Variants in DNAH5 observed in about 807,000 individuals in gnomAD.
The protein encoded by DNAH5 is dynein axonemal heavy chain 5, also known as axonemal beta dynein heavy chain 5.
In DNAH5, 372 loss-of-function variants were observed where a neutral mutation model predicts 518.2. That is an observed-to-expected ratio of 0.72 (90% CI 0.66 to 0.78). DNAH5 has a LOEUF of 0.78. DNAH5 is among the 30% of genes least tolerant of loss of function. The pLI is 0.00. For synonymous variants in DNAH5, 2,039 were observed against 2,025.9 expected (o/e 1.01, Z -0.17); for missense variants, 5,523 against 5,687.0 (o/e 0.97, Z 0.93).
rs1272728069 is a variant in DNAH5 at position 13,730,625 on chromosome 5, G to GAGGTTTCACCGTGTTAGCC, written c.11762-1084_11762-1066dup. Among the ~76,000 whole-genome samples the GAGGTTTCACCGTGTTAGCC allele has an allele frequency of 2.6e-5, 4 of 151,690 alleles. No homozygotes were observed. In the East Asian group the frequency reaches 7.7e-4, roughly 29 times the overall value. On this transcript the variant is annotated intron_variant, in intron 68 of 78. Transcript: ENST00000265104. ...AATTTTTCATATTTTTAGTGAAGACGAGGTTTCACCGTGTTAGCCAGGATG... is the reference window on the plus strand; with the variant it reads ...AATTTTTCATATTTTTAGTGAAGACGAGGTTTCACCGTGTTAGCCAGGTTTCACCGTGTTAGCCAGGATG...
In DNAH5 at chr5:13,692,111, G is replaced by T. The variant is rs1740771639; in HGVS notation, c.13748C>A (p.Ser4583Tyr). 4.3e-6 allele frequency: 7 copies of T among 1,613,998 alleles called. No homozygotes were observed. Among genetic ancestry groups the T allele is most frequent in the Non-Finnish European group, 5.9e-6 (7 of 1,179,972 alleles). The stretch of plus-strand genomic sequence containing the variant: ...AACTGGCTTCTTATAGATGGGACAG[G>T]AGTAAAACCGAGGATCTCGTAAAGC... ...NNTLRDPRFY[S>Y]CPIYKKPVRT... The change falls in exon 79 of 79, where the codon TCC becomes TAC. Residue 4583 changes from serine to tyrosine, a missense_variant. Ser to Tyr is a moderately radical substitution (Grantham distance 144). Coordinates refer to ENST00000265104, the MANE Select transcript of DNAH5 (RefSeq NM_001369.3).
intron 15 of DNAH5, chr5:13,898,594 C>A (rs1014789197): frequency 2.8e-5 from 11 of 398,436 alleles, no homozygotes; most frequent in African/African-American, 4.1e-5. Flanking sequence ...GAGACCTTTG[C>A]TAAATCTTTT....
At chr5:14,010,181 C>T (rs965730494) in intron 1 of DNAH5, among the ~76,000 whole-genome samples, 3 of 152,072 alleles carry the variant, frequency 2.0e-5, no homozygotes, top group African/African-American at 4.8e-5. Context: ...TTTCTAGTAA[C>T]ACTTGGAGGG....
In DNAH5 at chr5:13,850,707, G is replaced by T. The variant is rs1188507108; in HGVS notation, c.5059C>A (p.Gln1687Lys). The T allele has an allele frequency of 9.3e-6, 15 of 1,614,008 alleles. No individual in the cohort carries two copies. Among genetic ancestry groups the T allele is most frequent in the Non-Finnish European group, 1.3e-5 (15 of 1,179,924 alleles). ...QCCVGDETLG[Q>K]LLPHLLDQLE... The stretch of plus-strand genomic sequence containing the variant: ...TGGTCCAGCAAGTGTGGTAACAGCT[G>T]CCCCAGGGTCTCATCTCCAACACAG... The change falls in exon 31 of 79, where the codon CAG (glutamine) becomes AAG (lysine). Residue 1687 changes from glutamine (Q) to lysine (K), a missense_variant. Gln to Lys is a moderately conservative substitution (Grantham distance 53). This residue lies in a region of DNAH5 where 5,121 missense variants were observed against 5,223.3 expected (regional missense o/e 0.98). Transcript: ENST00000265104.
chr5:13,787,272 A>G lies in DNAH5; in HGVS notation c.8648-921T>C, dbSNP rs923275945. Among the ~76,000 whole-genome samples, 3 of 152,146 alleles carry G rather than the reference A, an allele frequency of 2.0e-5. No homozygotes were observed. The South Asian group carries it at 6.2e-4, about 32-fold the overall frequency. ...GCACCTATAAATTCACAATCAATTA[A>G]CATTAGTAATAGGGAAAAAAGGGAC... On this transcript the variant is annotated intron_variant, in intron 51 of 78. Transcript: ENST00000265104.
At chr5:13,994,337 A>G (rs2152077062) in intron 1 of DNAH5, among the ~76,000 whole-genome samples, 1 of 152,330 alleles carries the variant, frequency 6.6e-6, no homozygotes, top group Non-Finnish European at 1.5e-5. Flanking sequence ...TGCCGCTGAG[A>G]TCATGAATTA....
chr5:13,722,138 G>A (rs28488733), intron 70 of DNAH5, among the ~76,000 whole-genome samples: 1,569 of 152,138 alleles, frequency 0.01, 36 homozygotes, highest in African/African-American at 0.036. Flanking sequence ...CTCTCCCAAG[G>A]GCTAGGCAGG....
intron 21 of DNAH5, among the ~76,000 whole-genome samples, chr5:13,877,060 C>T (rs1474851503): frequency 6.6e-6 from 1 of 152,200 alleles, no homozygotes; most frequent in East Asian, 1.9e-4. Context: ...GTAACAACAG[C>T]AAGTTTTGTG....
At chr5:13,735,361 C>A in intron 67 of DNAH5, 40 bp from the exon 68 acceptor site, 1 of 1,578,988 alleles carries the variant, frequency 6.3e-7, no homozygotes, top group African/African-American at 1.3e-5. Flanking sequence ...ATCCCACTGC[C>A]CTTTTCAATT....
At chr5:13,723,253 T>C (rs1310966443) in intron 70 of DNAH5, among the ~76,000 whole-genome samples, 1 of 152,198 alleles carries the variant, frequency 6.6e-6, no homozygotes, top group Non-Finnish European at 1.5e-5. Flanking sequence ...GTTCTTTGAC[T>C]TCCCCAAATG....
intron 65 of DNAH5, among the ~76,000 whole-genome samples, chr5:13,738,346 GT>G (rs1747887267): frequency 6.6e-6 from 1 of 152,124 alleles, no homozygotes; most frequent in Admixed American, 6.6e-5. Context: ...TCTTAAGAGA[GT>G]TCCATTATTG....
Position 13,889,832 on chromosome 5 carries a change from A to T in DNAH5, c.2577+1144T>A, listed in dbSNP as rs1772950068. On this transcript the variant is annotated intron_variant, in intron 17 of 78. Coordinates refer to ENST00000265104, the MANE Select transcript of DNAH5 (RefSeq NM_001369.3). ...ACACCACCTGTCTTTGTTCCTTATG[A>T]TCCGGCTGCATCTCTTAACTATGTC... Among the ~76,000 whole-genome samples the T allele has an allele frequency of 2.6e-5, 4 of 152,078 alleles. No homozygotes were observed. The South Asian group carries it at 8.3e-4, about 32-fold the overall frequency.
chr5:13,850,815 C>A lies in DNAH5; in HGVS notation c.4951G>T (p.Glu1651Ter), dbSNP rs775133395. Residue 1651 changes from glutamate to a stop codon, truncating the protein, a stop_gained and splice_region_variant, in exon 31 of 79, where the codon GAA becomes TAA. Coordinates refer to ENST00000265104, the MANE Select transcript of DNAH5 (RefSeq NM_001369.3). LOFTEE classifies it high-confidence loss of function. ...TCTATGTTAGAAAACCGCTTGGCTT[C>A]CTATGAGAACAAGGTAACAAAGCAC... ...GGDIAKQLPK[E>*]AKRFSNIDKS... 1 of 1,614,078 alleles carries A rather than the reference C, an allele frequency of 6.2e-7. No homozygotes were observed. The highest frequency in any genetic ancestry group is 1.1e-5 in the South Asian group (1 of 91,060).
At chr5:13,917,627 A>G (rs2151987602) in intron 7 of DNAH5, among the ~76,000 whole-genome samples, 2 of 152,224 alleles carry the variant, frequency 1.3e-5, no homozygotes, top group East Asian at 3.9e-4. Context: ...CCCTTCCTAT[A>G]TCCCTATACA....
rs143679999 is a variant in DNAH5, at chr5:13,830,609, G to A, written c.6049C>T (p.Arg2017Trp). ...SDQMDFRGLG[R>W]IFKGLAQSGS... The stretch of plus-strand genomic sequence containing the variant: ...ATATAACCCATACCCTTAAAAATCC[G>A]TCCAAGTCCTCGGAAATCCATCTGG... The change falls in exon 36 of 79, where the codon CGG (arginine) becomes TGG (tryptophan). Residue 2017 changes from arginine to tryptophan, a missense_variant. This residue lies in a region of DNAH5 where 5,121 missense variants were observed against 5,223.3 expected (regional missense o/e 0.98). Transcript: ENST00000265104. The A allele has an allele frequency of 2.0e-4, 321 of 1,613,938 alleles. No individual in the cohort carries two copies. The highest frequency in any genetic ancestry group is 2.5e-4 in the Non-Finnish European group (299 of 1,180,020).
At chr5:13,891,376 A>G (rs1561517648) in intron 16 of DNAH5, among the ~76,000 whole-genome samples, 1 of 152,200 alleles carries the variant, frequency 6.6e-6, no homozygotes, top group East Asian at 1.9e-4. Flanking sequence ...GATTATGATC[A>G]TTCTTATTAT....
chr5:13,722,400 G>C (rs1322898096), intron 70 of DNAH5, among the ~76,000 whole-genome samples: 1 of 152,200 alleles, frequency 6.6e-6, no homozygotes, highest in Non-Finnish European at 1.5e-5. Flanking sequence ...AAATTGGTGC[G>C]ATGTTTCCCA....
rs754469218 is a variant in DNAH5, at chr5:13,865,914, A to G, written c.4117-8T>C. ...GATATTATCAAATTGATTCTAATAA[A>G]AACACAAGTGAAAACGCATCAAAAT... On this transcript the variant is annotated splice_polypyrimidine_tract_variant and splice_region_variant and intron_variant, in intron 26 of 78. Coordinates refer to ENST00000265104, the MANE Select transcript of DNAH5 (RefSeq NM_001369.3). 9.1e-6 allele frequency: 14 copies of G among 1,540,088 alleles called. No homozygotes were observed. The highest frequency in any genetic ancestry group is 1.3e-5 in the Non-Finnish European group (14 of 1,113,772).
rs545686289 is a variant in DNAH5 at position 13,810,671 on chromosome 5, G to C, written c.7408-411C>G. On this transcript the variant is annotated intron_variant, in intron 44 of 78. Transcript: ENST00000265104. ...CGGGAGGCTGAGGCAGGAGAATGGC[G>C]TGAACTTGGGAGGCGGAGCTTGCAG... The C allele has an allele frequency of 1.5e-3, 263 of 174,250 alleles. 1 individual carries two copies. Among genetic ancestry groups the C allele is most frequent in the African/African-American group, 6.2e-3 (256 of 41,594 alleles). 10.8% of individuals were successfully genotyped at this position (174,250 alleles called of 1,614,324 possible). A position where few individuals can be genotyped will look rare whatever the true frequency, so the allele number is the denominator to read the frequency against.
Sources: allele counts gnomAD v4.1 joint callset (sites outside exome capture counted in the v4.1 genomes callset), GRCh38; gene constraint gnomAD v4.1.1; regional missense constraint gnomAD v4.1.1; transcripts MANE v1.5; gene names NCBI Gene and HGNC (gene_info 2026-07-23, HGNC 2026-07-21).